The following SCN10A variants were observed in gnomAD, a reference collection of about 807,000 sequenced individuals.
SCN10A encodes sodium voltage-gated channel alpha subunit 10.
In SCN10A, 162 loss-of-function variants were observed where a neutral mutation model predicts 170.7. The observed-to-expected ratio is 0.95, with a 90% CI of 0.84 to 1.08. SCN10A has a LOEUF of 1.08. Ranked by LOEUF, SCN10A falls within the 50% of genes least tolerant of loss-of-function variation. The pLI, the probability that SCN10A is intolerant of heterozygous loss-of-function variation, is 0.00. For synonymous variants in SCN10A, 985 were observed against 904.6 expected (o/e 1.09, Z -1.59); for missense variants, 2,527 against 2,436.9 (o/e 1.04, Z -0.78).
chr3:38,745,328 T>G (rs1019504845), intron 13 of SCN10A, among the ~76,000 whole-genome samples: 1 of 152,166 alleles, frequency 6.6e-6, no homozygotes, highest in African/African-American at 2.4e-5. Flanking sequence ...GTCCCCCTGC[T>G]CCTGTTAACA....
intron 3 of SCN10A, 127 bp downstream of exon 3, chr3:38,791,923 A>C (rs985184938): frequency 1.6e-6 from 2 of 1,266,736 alleles, no homozygotes; most frequent in Non-Finnish European, 2.2e-6. Flanking sequence ...TTTCAATCTA[A>C]TGACCTCATT....
intron 4 of SCN10A, among the ~76,000 whole-genome samples, chr3:38,787,946 T>G (rs1306856305): frequency 2.6e-5 from 4 of 151,932 alleles, no homozygotes; most frequent in Non-Finnish European, 4.4e-5. Flanking sequence ...GTTAGTTTGC[T>G]GAGAATGATG....
intron 15 of SCN10A, among the ~76,000 whole-genome samples, chr3:38,730,447 A>G (rs1239084135): frequency 6.6e-6 from 1 of 152,206 alleles, no homozygotes; most frequent in Non-Finnish European, 1.5e-5. Context: ...TTCCCTCAAA[A>G]ATTGTTTAAG....
intron 13 of SCN10A, among the ~76,000 whole-genome samples, chr3:38,742,907 A>G (rs955531942): frequency 6.6e-6 from 1 of 152,224 alleles, no homozygotes; most frequent in African/African-American, 2.4e-5. Flanking sequence ...CAAAACCTGA[A>G]CTGTGAATAG....
Position 38,756,718 on chromosome 3 carries a change from T to C in SCN10A, c.1246A>G (p.Lys416Glu). Residue 416 changes from lysine (K) to glutamate (E), a missense_variant, in exon 10 of 28, where the codon AAG becomes GAG. Lys to Glu is a moderately conservative substitution (Grantham distance 56). Coordinates refer to ENST00000449082, the MANE Select transcript of SCN10A (RefSeq NM_006514.4). ...ATCTCGAGGGCCTCCTGGAACTTCT[T>C]CTCCTTTGCTTCAATTTCATCAGTG... ...ATTDEIEAKE[K>E]KFQEALEMLR... 1 of 1,614,076 alleles carries C rather than the reference T, an allele frequency of 6.2e-7. No homozygotes were observed. The highest frequency in any genetic ancestry group is 1.7e-5 in the Admixed American group (1 of 60,028).
chr3:38,714,595 T>C (rs1297074865), intron 21 of SCN10A, among the ~76,000 whole-genome samples: 1 of 152,190 alleles, frequency 6.6e-6, no homozygotes, highest in Non-Finnish European at 1.5e-5. Context: ...TGAGCTTGGG[T>C]TAGTGCCTGG....
intron 4 of SCN10A, among the ~76,000 whole-genome samples, chr3:38,776,212 T>G (rs988680643): frequency 6.6e-6 from 1 of 152,144 alleles, no homozygotes; most frequent in African/African-American, 2.4e-5. Context: ...TGTCTGGTTT[T>G]GGGAGATTAT....
In SCN10A at chr3:38,697,440, C is replaced by T. The variant is rs201024779; in HGVS notation, c.5780G>A (p.Gly1927Asp). The change falls in exon 28 of 28, where the codon GGC (glycine) becomes GAC (aspartate). Residue 1927 changes from glycine (G) to aspartate (D), a missense_variant. By Grantham distance (94) the Gly-to-Asp change is moderately conservative (BLOSUM62 -1). Transcript: ENST00000449082. Reference sequence around the variant, plus strand: ...CCTCATGTTGACTCTATCACTAAGGCCTCTAGTGACACTCTCATAGGACGG... The same window carrying T: ...CCTCATGTTGACTCTATCACTAAGGTCTCTAGTGACACTCTCATAGGACGG... ...FPPSYESVTR[G>D]LSDRVNMRTS... 1 of 1,614,170 alleles carries T rather than the reference C, an allele frequency of 6.2e-7. No homozygotes were observed. The highest frequency in any genetic ancestry group is 8.5e-7 in the Non-Finnish European group (1 of 1,180,024).
intron 3 of SCN10A, among the ~76,000 whole-genome samples, chr3:38,791,198 G>A (rs2064276532): frequency 6.6e-6 from 1 of 152,114 alleles, no homozygotes; most frequent in Admixed American, 6.5e-5. Flanking sequence ...CTGCAAGCCA[G>A]GGCTAAATTT....
At chr3:38,777,332 T>C (rs1364867359) in intron 4 of SCN10A, among the ~76,000 whole-genome samples, 6 of 151,998 alleles carry the variant, frequency 3.9e-5, no homozygotes, top group East Asian at 1.9e-4. Flanking sequence ...AAAATCACTA[T>C]ATAGAAATTA....
chr3:38,749,490 C>T (rs2063725869), intron 13 of SCN10A, among the ~76,000 whole-genome samples: 1 of 152,198 alleles, frequency 6.6e-6, no homozygotes, highest in Non-Finnish European at 1.5e-5. Flanking sequence ...TACCCTTTGG[C>T]TTGGAACTTA....
intron 23 of SCN10A, 65 bp from the exon 24 acceptor site, chr3:38,710,962 C>A: frequency 7.3e-7 from 1 of 1,376,570 alleles, no homozygotes; most frequent in Non-Finnish European, 1.0e-6. Context: ...CCTTCCCAAG[C>A]CATGGTGGCC....
Position 38,739,598 on chromosome 3 carries a change from C to G in SCN10A, c.2197G>C (p.Asp733His). Residue 733 changes from aspartate to histidine, a missense_variant, in exon 15 of 28, where the codon GAC becomes CAC. Coordinates refer to ENST00000449082, the MANE Select transcript of SCN10A (RefSeq NM_006514.4). ...AGACTCACAGTGACGATGATGCAGT[C>G]AAAGATATTCCACTTCTTCTGGAAA... ...YYFQKKWNIF[D>H]CIIVTVSLLE... 1 of 1,614,100 alleles carries G rather than the reference C, an allele frequency of 6.2e-7. No individual in the cohort carries two copies. The highest frequency in any genetic ancestry group is 2.2e-5 in the East Asian group (1 of 44,886).
chr3:38,709,045 C>T (rs927448942), intron 25 of SCN10A, among the ~76,000 whole-genome samples: 2 of 152,194 alleles, frequency 1.3e-5, no homozygotes, highest in Non-Finnish European at 2.9e-5. Context: ...GAGGCACAAG[C>T]CTTCCTCCCC....
chr3:38,714,791 T>C (rs1403018595), intron 21 of SCN10A, among the ~76,000 whole-genome samples: 3 of 152,286 alleles, frequency 2.0e-5, no homozygotes, highest in South Asian at 4.2e-4. Flanking sequence ...TTTCTTTAAG[T>C]GGTGGTCCAA....
In SCN10A at chr3:38,723,594, C is replaced by T. The variant is rs558640467; in HGVS notation, c.3229-41G>A. The T allele has an allele frequency of 4.6e-5, 72 of 1,550,846 alleles. No homozygotes were observed. The African/African-American group carries it at 6.4e-4, about 14-fold the overall frequency. On this transcript the variant is annotated intron_variant, in intron 18 of 27. Transcript: ENST00000449082. Reference sequence around the variant, plus strand: ...CCAGGGCAGTGAACTCGTCTCTCCGCGGGGCCCGGGGAATTGCACACGGTC... The same window carrying T: ...CCAGGGCAGTGAACTCGTCTCTCCGTGGGGCCCGGGGAATTGCACACGGTC...
rs564467006 is a variant in SCN10A, at chr3:38,773,328, T to G, written c.471-1921A>C. The stretch of plus-strand genomic sequence containing the variant: ...TAAAAAAAAATGTTACTAGAGGATA[T>G]GCTCCATTCAAACAAGAAACATATA... On this transcript the variant is annotated intron_variant, in intron 4 of 27. Coordinates refer to ENST00000449082, the MANE Select transcript of SCN10A (RefSeq NM_006514.4). Among the ~76,000 whole-genome samples, 3 of 152,012 alleles carry G rather than the reference T, an allele frequency of 2.0e-5. No individual in the cohort carries two copies. The East Asian group carries it at 5.8e-4, about 29-fold the overall frequency.
chr3:38,760,596 C>T (rs2063857859), intron 8 of SCN10A, 85 bp downstream of exon 8: 3 of 1,053,240 alleles, frequency 2.8e-6, no homozygotes, highest in Admixed American at 1.8e-5. Flanking sequence ...GGACCTGCAA[C>T]CCCATCTGTG....
chr3:38,746,067 A>ATATATATGTGTGTG lies in SCN10A; in HGVS notation c.1868-3539_1868-3538insCACACACATATATA, dbSNP rs1559439478. 4.1e-4 allele frequency among the ~76,000 whole-genome samples: 29 copies of ATATATATGTGTGTG among 70,938 alleles called. 3 individuals are homozygous for ATATATATGTGTGTG. The highest frequency in any genetic ancestry group is 1.1e-3 in the South Asian group (2 of 1,764). 46.5% of individuals were successfully genotyped at this position (70,938 alleles called of 152,430 possible). ...TATATATATGTGTGTGTATGTGTAT[A>ATATATATGTGTGTG]TATATATATATATATATATATATAT... On this transcript the variant is annotated intron_variant, in intron 13 of 27. Transcript: ENST00000449082.
Sources: gnomAD v4.1 joint callset for allele counts (sites outside exome capture counted in the v4.1 genomes callset) on GRCh38, gnomAD v4.1.1 for gene constraint, MANE v1.5 for transcripts, NCBI Gene and HGNC (gene_info 2026-07-23, HGNC 2026-07-21) for gene names.